The following FHOD3 variants were observed in gnomAD, a reference collection of about 807,000 sequenced individuals.
FHOD3 encodes the protein formin homology 2 domain containing 3, also known as FH1/FH2 domain-containing protein 3.
Under a neutral mutation model 173.0 loss-of-function variants are expected in FHOD3, and 90 were observed. The ratio of observed to expected loss-of-function variants is 0.52; its 90% confidence interval spans 0.44 to 0.62. FHOD3 has a LOEUF of 0.62. Ranked by LOEUF, FHOD3 falls within the 20% of genes least tolerant of loss-of-function variation. The probability of loss-of-function intolerance (pLI) is 0.00; values close to 1 mark genes in which losing one functional copy is unlikely to be tolerated. For missense variants in FHOD3, 1,945 were observed against 2,034.7 expected, an observed-to-expected ratio of 0.96 and a Z score of 0.85; for synonymous variants, 828 against 823.0, an observed-to-expected ratio of 1.01 and a Z score of -0.10.
At chr18:36,779,138 A>T in intron 28 of FHOD3, 1 of 386,462 alleles carries the variant, frequency 2.6e-6, no homozygotes, top group Non-Finnish European at 4.8e-6. Context: ...CCCCCTTCTC[A>T]GAAGCCTCGT....
chr18:36,740,852 A>G lies in FHOD3; in HGVS notation c.3759+14A>G, dbSNP rs2041868347. On this transcript the variant is annotated intron_variant, in intron 21 of 28. Coordinates refer to ENST00000590592, the MANE Select transcript of FHOD3 (RefSeq NM_001281740.3). ...ACTACAGAAAAGGTAAGCTCTCTGT[A>G]AGAGAGGCCGCTGATCCCACATCCA... 2.5e-6 allele frequency: 4 copies of G among 1,601,592 alleles called. No homozygotes were observed. The highest frequency in any genetic ancestry group is 2.6e-6 in the Non-Finnish European group (3 of 1,175,682).
intron 5 of FHOD3, among the ~76,000 whole-genome samples, chr18:36,548,126 A>G (rs1190285111): frequency 6.6e-6 from 1 of 152,142 alleles, no homozygotes; most frequent in Non-Finnish European, 1.5e-5. Flanking sequence ...CAGGAGGCGG[A>G]GGTTGCAGTG....
intron 24 of FHOD3, among the ~76,000 whole-genome samples, chr18:36,751,679 A>G (rs1227723237): frequency 1.3e-5 from 2 of 152,180 alleles, no homozygotes; most frequent in Admixed American, 6.5e-5. Context: ...GAGTGTTTTA[A>G]CATGAAGGGT....
chr18:36,372,650 A>T, intron 2 of FHOD3, 30 bp from the exon 3 acceptor site: 2 of 1,607,268 alleles, frequency 1.2e-6, no homozygotes, highest in Non-Finnish European at 1.7e-6. Flanking sequence ...GACTCCTCTG[A>T]TGCCCCTGTT....
At chr18:36,372,272 T>C (rs993093416) in intron 2 of FHOD3, among the ~76,000 whole-genome samples, 1 of 152,226 alleles carries the variant, frequency 6.6e-6, no homozygotes, top group African/African-American at 2.4e-5. Context: ...GTGTTCCCTT[T>C]TCCTATATCT....
rs374168306 is a variant in FHOD3, at chr18:36,681,588, AT to A, written c.1970+26del. ...AAATTCAGGTAAGAAGGATCTTAAG[AT>A]TTTTTTTAAATAGTGAGTTAAAAAT... On this transcript the variant is annotated intron_variant, in intron 15 of 28. Transcript: ENST00000590592. 3,212 of 1,581,580 alleles carry A rather than the reference AT, an allele frequency of 2.0e-3. 66 individuals carry two copies. The African/African-American group carries it at 0.044, about 22-fold the overall frequency.
At chr18:36,657,652 G>A (rs1423123978) in intron 13 of FHOD3, among the ~76,000 whole-genome samples, 1 of 152,198 alleles carries the variant, frequency 6.6e-6, no homozygotes, top group Non-Finnish European at 1.5e-5. Flanking sequence ...TAAATAAGAT[G>A]TTTCTTTAGC....
At chr18:36,669,845 TTC>T (rs1359427017) in intron 14 of FHOD3, among the ~76,000 whole-genome samples, 2 of 152,114 alleles carry the variant, frequency 1.3e-5, no homozygotes, top group Admixed American at 6.5e-5. Flanking sequence ...TCTTTTCTAA[TTC>T]TTTTTTATTT....
At chr18:36,311,589 G>A (rs1481129439) in intron 1 of FHOD3, among the ~76,000 whole-genome samples, 1 of 152,178 alleles carries the variant, frequency 6.6e-6, no homozygotes, top group Non-Finnish European at 1.5e-5. Context: ...GGTGCCATGT[G>A]CAATGGTGAG....
At chr18:36,746,771 G>A (rs2042173329) in intron 23 of FHOD3, among the ~76,000 whole-genome samples, 174 bp from the exon 24 acceptor site, 1 of 152,204 alleles carries the variant, frequency 6.6e-6, no homozygotes, top group Non-Finnish European at 1.5e-5. Context: ...ATAATGTGAT[G>A]TCAAGATAAT....
At chr18:36,390,894 C>T (rs552221870) in intron 3 of FHOD3, among the ~76,000 whole-genome samples, 22 of 152,266 alleles carry the variant, frequency 1.4e-4, no homozygotes, top group Admixed American at 9.2e-4. Flanking sequence ...ACCTGTAATC[C>T]GTAAATGAAT....
chr18:36,745,567 G>C (rs2042111024), intron 23 of FHOD3, among the ~76,000 whole-genome samples: 1 of 152,082 alleles, frequency 6.6e-6, no homozygotes, highest in Admixed American at 6.5e-5. Context: ...GTCCTTCTAA[G>C]GGTGGGCCTG....
chr18:36,416,821 A>G (rs1433299800), intron 3 of FHOD3, among the ~76,000 whole-genome samples: 1 of 152,090 alleles, frequency 6.6e-6, no homozygotes. Context: ...CCTTGCCTTC[A>G]AGCCACCTCT....
chr18:36,385,202 A>G (rs1337307579), intron 3 of FHOD3, among the ~76,000 whole-genome samples: 1 of 152,206 alleles, frequency 6.6e-6, no homozygotes, highest in Non-Finnish European at 1.5e-5. Flanking sequence ...ATGTGTTTAA[A>G]ATGTGTTTTA....
At chr18:36,315,938 G>A (rs987029205) in intron 1 of FHOD3, among the ~76,000 whole-genome samples, 6 of 152,050 alleles carry the variant, frequency 3.9e-5, no homozygotes, top group Admixed American at 2.6e-4. Context: ...CTCTCTGCCC[G>A]CTGCTGCCAC....
chr18:36,673,699 A>G (rs750776912), intron 14 of FHOD3, among the ~76,000 whole-genome samples: 1 of 152,184 alleles, frequency 6.6e-6, no homozygotes, highest in African/African-American at 2.4e-5. Flanking sequence ...ACTGCAGGGC[A>G]TTCCTGAAGC....
In FHOD3 at chr18:36,453,401, A is replaced by G. The variant is rs146980567; in HGVS notation, c.338-48531A>G. 8.4e-3 allele frequency among the ~76,000 whole-genome samples: 1,274 copies of G among 152,360 alleles called. 21 individuals carry two copies. The highest frequency in any genetic ancestry group is 0.029 in the African/African-American group (1,193 of 41,582). On this transcript the variant is annotated intron_variant, in intron 3 of 28. Coordinates refer to ENST00000590592, the MANE Select transcript of FHOD3 (RefSeq NM_001281740.3). The stretch of plus-strand genomic sequence containing the variant: ...GACACACAGCTAGTTAGAAAGTAGG[A>G]ACTGGATCTTCAAAATCCAGCAGCT...
intron 2 of FHOD3, among the ~76,000 whole-genome samples, chr18:36,357,230 CCT>C (rs1491143094): frequency 1.3e-5 from 2 of 152,150 alleles, no homozygotes; most frequent in African/African-American, 4.8e-5. Flanking sequence ...CTGGGTTTCC[CCT>C]GTTTTAACAC....
chr18:36,374,433 T>C lies in FHOD3; in HGVS notation c.337+1689T>C, dbSNP rs1207528937. Among the ~76,000 whole-genome samples the C allele has an allele frequency of 2.0e-5, 3 of 152,250 alleles. No individual in the cohort carries two copies. The East Asian group carries it at 5.8e-4, about 29-fold the overall frequency. The stretch of plus-strand genomic sequence containing the variant: ...AATTGCACTGGTTATCAGAATTATG[T>C]AATTTAATGAAATAGTACCAAATAT... On this transcript the variant is annotated intron_variant, in intron 3 of 28. Coordinates refer to ENST00000590592, the MANE Select transcript of FHOD3 (RefSeq NM_001281740.3).
Sources: gnomAD v4.1 joint callset for allele counts (sites outside exome capture counted in the v4.1 genomes callset) on GRCh38, gnomAD v4.1.1 for gene constraint, MANE v1.5 for transcripts, NCBI Gene and HGNC (gene_info 2026-07-23, HGNC 2026-07-21) for gene names.